The following ACSM1 variants were observed in gnomAD, a reference collection of about 807,000 sequenced individuals.
The protein encoded by ACSM1 is acyl-coenzyme A synthetase ACSM1, mitochondrial.
A neutral mutation model predicts 75.8 loss-of-function variants in ACSM1; 79 were observed. The observed-to-expected ratio is 1.04, with a 90% CI of 0.87 to 1.26. The LOEUF (loss-of-function observed/expected upper bound fraction) is 1.26. Ranked by LOEUF, ACSM1 falls within the 50% of genes most tolerant of loss-of-function variation. The pLI, the probability that ACSM1 is intolerant of heterozygous loss-of-function variation, is 0.00. For missense variants in ACSM1, 676 were observed against 720.1 expected (o/e 0.94, Z 0.70); for synonymous variants, 279 against 265.8 (o/e 1.05, Z -0.48).
intron 10 of ACSM1, among the ~76,000 whole-genome samples, chr16:20,635,016 A>G (rs531648578): frequency 1.6e-3 from 245 of 152,304 alleles, no homozygotes; most frequent in African/African-American, 3.8e-3. Context: ...AGAAGTCCCA[A>G]TGGAGGAATA....
intron 7 of ACSM1, among the ~76,000 whole-genome samples, chr16:20,644,709 G>A (rs1217383830): frequency 6.6e-6 from 1 of 152,154 alleles, no homozygotes; most frequent in East Asian, 1.9e-4. Context: ...AAGCCAGGAA[G>A]GAACCATCTA....
chr16:20,640,673 C>G (rs2018002808), intron 7 of ACSM1, 89 bp from the exon 8 acceptor site: 1 of 1,565,070 alleles, frequency 6.4e-7, no homozygotes, highest in African/African-American at 1.4e-5. Flanking sequence ...GATCATTCAT[C>G]CTTCTAGTTC....
intron 2 of ACSM1, among the ~76,000 whole-genome samples, chr16:20,689,294 T>G (rs1299087363): frequency 6.6e-6 from 1 of 152,014 alleles, no homozygotes; most frequent in Non-Finnish European, 1.5e-5. Flanking sequence ...AAGGCAAATA[T>G]TTATTGAATA....
intron 7 of ACSM1, among the ~76,000 whole-genome samples, chr16:20,642,030 A>G (rs1447940334): frequency 6.6e-6 from 1 of 152,228 alleles, no homozygotes; most frequent in Admixed American, 6.5e-5. Context: ...TCTTTAGTGC[A>G]GTGAAGCACT....
intron 13 of ACSM1, 29 bp downstream of exon 13, chr16:20,624,067 C>G (rs1221332334): frequency 6.2e-7 from 1 of 1,608,468 alleles, no homozygotes; most frequent in South Asian, 1.1e-5. Context: ...TTCAGGGCCA[C>G]CAGATCCCTT....
chr16:20,641,466 T>C (rs555806108), intron 7 of ACSM1, among the ~76,000 whole-genome samples: 1 of 152,198 alleles, frequency 6.6e-6, no homozygotes, highest in Non-Finnish European at 1.5e-5. Flanking sequence ...CTAGCCTTCC[T>C]AGGCTCCTAG....
At chr16:20,644,961 T>C (rs1325016552) in intron 7 of ACSM1, among the ~76,000 whole-genome samples, 3 of 152,208 alleles carry the variant, frequency 2.0e-5, no homozygotes, top group African/African-American at 7.2e-5. Context: ...TCTATCTCAA[T>C]CCTGACTCAA....
At chr16:20,662,059 A>C (rs963171653) in intron 6 of ACSM1, among the ~76,000 whole-genome samples, 186 bp from the exon 7 acceptor site, 1 of 152,222 alleles carries the variant, frequency 6.6e-6, no homozygotes, top group African/African-American at 2.4e-5. Flanking sequence ...TTGGGGAAAT[A>C]CAAAAACGCA....
intron 1 of ACSM1, among the ~76,000 whole-genome samples, chr16:20,691,888 A>C (rs2079657655): frequency 1.3e-5 from 2 of 151,048 alleles, no homozygotes; most frequent in African/African-American, 4.9e-5. Context: ...TATGATTCCT[A>C]TCATGTGGAG....
chr16:20,638,961 G>A (rs907637911), intron 8 of ACSM1, among the ~76,000 whole-genome samples: 5 of 152,176 alleles, frequency 3.3e-5, no homozygotes, highest in Non-Finnish European at 7.3e-5. Flanking sequence ...GGCCCGAAGT[G>A]TCAGCATTTT....
chr16:20,663,603 G>T (rs765306235), intron 6 of ACSM1, among the ~76,000 whole-genome samples: 1 of 152,134 alleles, frequency 6.6e-6, no homozygotes, highest in East Asian at 1.9e-4. Flanking sequence ...GGGGAATGTC[G>T]CCCTGAAATG....
chr16:20,670,585 A>G (rs1462393887), intron 5 of ACSM1, among the ~76,000 whole-genome samples: 1 of 152,210 alleles, frequency 6.6e-6, no homozygotes, highest in Non-Finnish European at 1.5e-5. Context: ...AATAAAGTCC[A>G]AAATCTACTA....
intron 4 of ACSM1, among the ~76,000 whole-genome samples, chr16:20,676,793 A>G (rs1245643115): frequency 6.6e-6 from 1 of 152,140 alleles, no homozygotes; most frequent in Admixed American, 6.5e-5. Context: ...ACGGTGCAAA[A>G]GGAAATGACA....
In ACSM1 at chr16:20,672,448, C is replaced by CAAAA. The variant is rs528742963; in HGVS notation, c.612-781_612-778dup. On this transcript the variant is annotated intron_variant, in intron 4 of 13. Coordinates refer to ENST00000520010, the MANE Select transcript of ACSM1 (RefSeq NM_001318890.3). ...TGGGTGACAGAGCAAAACTCCATCTCAAAAAAAAAAAAAAAAAAAAAAAAT... is the reference window on the plus strand; with the variant it reads ...TGGGTGACAGAGCAAAACTCCATCTCAAAAAAAAAAAAAAAAAAAAAAAAAAAAT... Among the ~76,000 whole-genome samples the CAAAA allele has an allele frequency of 1.2e-3, 27 of 21,904 alleles. 2 individuals carry two copies. The highest frequency in any genetic ancestry group is 3.7e-3 in the African/African-American group (14 of 3,770). 14.4% of individuals were successfully genotyped at this position (21,904 alleles called of 152,430 possible).
Position 20,623,418 on chromosome 16 carries a change from A to AT in ACSM1, c.*67dup. ...TCAATGCCCCACCCTCGTCCTCACCATAGTGGGGAGACTAAAGTGGCCAGG... is the reference window on the plus strand; with the variant it reads ...TCAATGCCCCACCCTCGTCCTCACCATTAGTGGGGAGACTAAAGTGGCCAGG... On this transcript the variant is annotated 3_prime_UTR_variant, in exon 14 of 14. Transcript: ENST00000520010. 7.1e-7 allele frequency: 1 copy of AT among 1,414,978 alleles called. No homozygotes were observed. Among genetic ancestry groups the AT allele is most frequent in the Non-Finnish European group, 1.0e-6 (1 of 1,001,002 alleles). The allele number at this position is 1,414,978 out of a possible 1,614,324, so 87.7% of individuals were successfully genotyped here.
intron 12 of ACSM1, among the ~76,000 whole-genome samples, chr16:20,624,695 TAA>T (rs1403305995): frequency 5.9e-5 from 9 of 152,154 alleles, no homozygotes; most frequent in African/African-American, 2.2e-4. Context: ...AGGTGATTAA[TAA>T]AGACTTTTTT....
rs374911513 is a variant in ACSM1, at chr16:20,635,642, T to C, written c.1299+1097A>G. Among the ~76,000 whole-genome samples the C allele has an allele frequency of 3.1e-5, 3 of 95,614 alleles. No homozygotes were observed. In the South Asian group the frequency reaches 1.0e-3, roughly 32 times the overall value. 62.7% of individuals were successfully genotyped at this position (95,614 alleles called of 152,430 possible). A position where few individuals can be genotyped will look rare whatever the true frequency, so the allele number is the denominator to read the frequency against. On this transcript the variant is annotated intron_variant, in intron 10 of 13. Transcript: ENST00000520010. ...TTTCTTTCTTTCTTTCTTTCTTTCT[T>C]TCTTTCTTTCATTTTGAGATGGTGT...
At chr16:20,636,690 C>G in intron 10 of ACSM1, 49 bp downstream of exon 10, 1 of 1,386,020 alleles carries the variant, frequency 7.2e-7, no homozygotes. Flanking sequence ...TGCAGAGCTC[C>G]CTGTTGGGAT....
chr16:20,691,883 T>C (rs924812524), intron 1 of ACSM1, among the ~76,000 whole-genome samples: 3 of 151,822 alleles, frequency 2.0e-5, no homozygotes, highest in Admixed American at 6.6e-5. Context: ...GTGGTTATGA[T>C]TCCTATCATG....
Sources: allele counts gnomAD v4.1 joint callset (sites outside exome capture counted in the v4.1 genomes callset), GRCh38; gene constraint gnomAD v4.1.1; transcripts MANE v1.5; gene names NCBI Gene and HGNC (gene_info 2026-07-23, HGNC 2026-07-21).